Variants in PLEKHA7 observed in about 807,000 individuals in gnomAD.
PLEKHA7 encodes pleckstrin homology domain-containing family A member 7.
Under a neutral mutation model 170.0 loss-of-function variants are expected in PLEKHA7, and 104 were observed. The observed-to-expected ratio is 0.61, with a 90% CI of 0.52 to 0.72. PLEKHA7 has a LOEUF of 0.72. Ranked by LOEUF, PLEKHA7 falls within the 30% of genes least tolerant of loss-of-function variation. The pLI is 0.00. For synonymous variants in PLEKHA7, 648 were observed against 660.8 expected (o/e 0.98, Z 0.30); for missense variants, 1,615 against 1,671.7 (o/e 0.97, Z 0.59).
Position 16,930,264 on chromosome 11 carries a change from A to G in PLEKHA7, c.222-59082T>C, listed in dbSNP as rs574342097. Among the ~76,000 whole-genome samples the G allele has an allele frequency of 2.6e-5, 4 of 152,126 alleles. No homozygotes were observed. In the South Asian group the frequency reaches 8.3e-4, roughly 32 times the overall value. Reference sequence around the variant, plus strand: ...GAAGGCAGATAGGATTAAAACTCCAAGCTGAGGGCCCAAGTTTCTCAAAAC... The same window carrying G: ...GAAGGCAGATAGGATTAAAACTCCAGGCTGAGGGCCCAAGTTTCTCAAAAC... On this transcript the variant is annotated intron_variant, in intron 3 of 26. Coordinates refer to ENST00000531066, the MANE Select transcript of PLEKHA7 (RefSeq NM_001329630.2).
intron 3 of PLEKHA7, among the ~76,000 whole-genome samples, chr11:16,955,159 C>G (rs1399312242): frequency 2.0e-5 from 3 of 152,128 alleles, no homozygotes; most frequent in African/African-American, 7.2e-5. Flanking sequence ...AAGAAGAAAA[C>G]TGAAACCCCC....
intron 9 of PLEKHA7, among the ~76,000 whole-genome samples, chr11:16,827,211 C>A (rs546412973): frequency 2.4e-4 from 37 of 152,272 alleles, no homozygotes; most frequent in African/African-American, 8.9e-4. Flanking sequence ...TCAAAGATGG[C>A]GAATAGAGAA....
chr11:16,897,853 G>C (rs1055569827), intron 3 of PLEKHA7, among the ~76,000 whole-genome samples: 1 of 152,084 alleles, frequency 6.6e-6, no homozygotes. Context: ...TGTGCAGTTC[G>C]GTGCTGCAAG....
rs1235654711 is a variant in PLEKHA7 at position 16,778,517 on chromosome 11, G to A, written c.*481C>T. 2.2e-5 allele frequency: 4 copies of A among 181,212 alleles called. No individual in the cohort carries two copies. The highest frequency in any genetic ancestry group is 4.8e-5 in the Non-Finnish European group (4 of 83,888). The allele number at this position is 181,212 out of a possible 1,614,324, so 11.2% of individuals were successfully genotyped here. A position where few individuals can be genotyped will look rare whatever the true frequency, so the allele number is the denominator to read the frequency against. ...GGGCCCCTCTTCTCCCAGACAGCACGCCAACCAGCCTCTTGCTGGAGTCTA... is the reference window on the plus strand; with the variant it reads ...GGGCCCCTCTTCTCCCAGACAGCACACCAACCAGCCTCTTGCTGGAGTCTA... On this transcript the variant is annotated 3_prime_UTR_variant, in exon 27 of 27. Coordinates refer to ENST00000531066, the MANE Select transcript of PLEKHA7 (RefSeq NM_001329630.2).
At chr11:16,823,007 T>A (rs1205691841) in intron 10 of PLEKHA7, among the ~76,000 whole-genome samples, 3 of 151,950 alleles carry the variant, frequency 2.0e-5, no homozygotes, top group Admixed American at 6.6e-5. Flanking sequence ...ATTTATTTAT[T>A]TTTTGGAGAC....
chr11:16,916,142 T>A (rs1029271440), intron 3 of PLEKHA7, among the ~76,000 whole-genome samples: 7 of 152,228 alleles, frequency 4.6e-5, no homozygotes, highest in Middle Eastern at 3.2e-3. Context: ...CATGTGTTTT[T>A]TGGCTGCATA....
intron 8 of PLEKHA7, among the ~76,000 whole-genome samples, chr11:16,846,299 G>GA (rs951268563): frequency 1.3e-5 from 2 of 151,130 alleles, no homozygotes; most frequent in African/African-American, 2.4e-5. Context: ...AAAAAGGAAA[G>GA]AAAAAAGGAA....
intron 26 of PLEKHA7, 84 bp from the exon 27 acceptor site, chr11:16,779,104 G>A (rs1848832140): frequency 2.9e-6 from 2 of 699,520 alleles, no homozygotes; most frequent in Non-Finnish European, 5.2e-6. Context: ...TGGCAGATAG[G>A]CGGACAGGCA....
intron 3 of PLEKHA7, among the ~76,000 whole-genome samples, chr11:16,921,224 C>T (rs964782409): frequency 2.7e-5 from 4 of 150,248 alleles, no homozygotes; most frequent in South Asian, 2.1e-4. Flanking sequence ...AAAGATGGGA[C>T]CTTGAAAACT....
At chr11:16,914,916 C>T (rs890891768) in intron 3 of PLEKHA7, among the ~76,000 whole-genome samples, 31 of 152,316 alleles carry the variant, frequency 2.0e-4, no homozygotes, top group African/African-American at 6.7e-4. Context: ...CAGCAGCCTC[C>T]AGCATTCATG....
intron 3 of PLEKHA7, among the ~76,000 whole-genome samples, chr11:16,912,825 A>C (rs1447329059): frequency 6.6e-6 from 1 of 152,148 alleles, no homozygotes; most frequent in Non-Finnish European, 1.5e-5. Flanking sequence ...GCAAGGACTC[A>C]ATTCCCAGAC....
rs551552980 is a variant in PLEKHA7, at chr11:16,802,437, C to T, written c.2157+535G>A. Among the ~76,000 whole-genome samples the T allele has an allele frequency of 1.4e-3, 211 of 152,324 alleles. 1 individual carries two copies. The highest frequency in any genetic ancestry group is 4.6e-3 in the African/African-American group (193 of 41,566). On this transcript the variant is annotated intron_variant, in intron 15 of 26. Transcript: ENST00000531066. The stretch of plus-strand genomic sequence containing the variant: ...ACATATAAGCCAGTGGAGCTCCTCT[C>T]CCAGGCTCACCTCACAGGGCCTCCA...
intron 3 of PLEKHA7, among the ~76,000 whole-genome samples, chr11:16,873,709 C>T (rs545709199): frequency 7.2e-5 from 11 of 152,322 alleles, no homozygotes; most frequent in African/African-American, 2.6e-4. Flanking sequence ...CTCTGTCGCC[C>T]AGGCTGGAGT....
intron 3 of PLEKHA7, among the ~76,000 whole-genome samples, chr11:16,929,756 G>A (rs914487890): frequency 1.3e-5 from 2 of 152,348 alleles, no homozygotes; most frequent in East Asian, 1.9e-4. Flanking sequence ...TGTAATCCCA[G>A]CACTTTGGGA....
Position 16,826,373 on chromosome 11 carries a change from G to A in PLEKHA7, c.1090C>T (p.Pro364Ser). 9.3e-6 allele frequency: 15 copies of A among 1,614,258 alleles called. No individual in the cohort carries two copies. The highest frequency in any genetic ancestry group is 1.2e-5 in the Non-Finnish European group (14 of 1,180,046). Residue 364 changes from proline (P) to serine (S), a missense_variant, in exon 10 of 27, where the codon CCG becomes TCG. Coordinates refer to ENST00000531066, the MANE Select transcript of PLEKHA7 (RefSeq NM_001329630.2). Reference protein sequence around the residue: ...GKRDRSKARSPYSPAEEDALF... With the variant: ...GKRDRSKARSSYSPAEEDALF... ...GCATCCTCCTCGGCTGGCGAGTACG[G>A]AGACCTGGCCTTGCTCCGGTCCCGC... is the stretch of plus-strand genomic sequence containing the variant.
chr11:16,826,908 T>G (rs1850702322), intron 9 of PLEKHA7, among the ~76,000 whole-genome samples: 1 of 152,236 alleles, frequency 6.6e-6, no homozygotes, highest in Non-Finnish European at 1.5e-5. Flanking sequence ...ATGAGTTATT[T>G]TCGGCCAGTG....
At chr11:16,909,187 AATTAAT>A (rs1858075407) in intron 3 of PLEKHA7, among the ~76,000 whole-genome samples, 2 of 152,170 alleles carry the variant, frequency 1.3e-5, no homozygotes, top group Admixed American at 6.5e-5. Flanking sequence ...TAACACTAAT[AATTAAT>A]ATTAGTAGTG....
intron 3 of PLEKHA7, among the ~76,000 whole-genome samples, chr11:16,960,650 G>A (rs1020027647): frequency 2.6e-5 from 4 of 152,138 alleles, no homozygotes; most frequent in Admixed American, 2.6e-4. Flanking sequence ...AGGGCAAAGA[G>A]GAGAAAGGGG....
At chr11:16,814,140 G>C (rs1849575040) in intron 12 of PLEKHA7, among the ~76,000 whole-genome samples, 1 of 152,138 alleles carries the variant, frequency 6.6e-6, no homozygotes, top group East Asian at 1.9e-4. Flanking sequence ...CAACTGTCAG[G>C]GGCACTAGTG....
Sources: allele counts gnomAD v4.1 joint callset (sites outside exome capture counted in the v4.1 genomes callset), GRCh38; gene constraint gnomAD v4.1.1; transcripts MANE v1.5; gene names NCBI Gene and HGNC (gene_info 2026-07-23, HGNC 2026-07-21).